The following PALM2AKAP2 variants were observed in gnomAD, a reference collection of about 807,000 sequenced individuals.
The protein encoded by PALM2AKAP2 is PALM2 and AKAP2 fusion.
In PALM2AKAP2, 37 loss-of-function variants were observed where a neutral mutation model predicts 71.5. The observed-to-expected ratio is 0.52, with a 90% CI of 0.40 to 0.68. PALM2AKAP2 has a LOEUF of 0.68. PALM2AKAP2 is among the 30% of genes least tolerant of loss of function. PALM2AKAP2 has a pLI of 0.00. For synonymous variants in PALM2AKAP2, 468 were observed against 478.8 expected, an observed-to-expected ratio of 0.98 and a Z score of 0.29; for missense variants, 1,224 against 1,191.8, an observed-to-expected ratio of 1.03 and a Z score of -0.40.
chr9:110,074,257 C>A (rs1002609865), intron 1 of PALM2AKAP2, among the ~76,000 whole-genome samples: 1 of 152,130 alleles, frequency 6.6e-6, no homozygotes, highest in Non-Finnish European at 1.5e-5. Context: ...GAAGCTGAAG[C>A]GGGAGGATCC....
intron 1 of PALM2AKAP2, among the ~76,000 whole-genome samples, chr9:109,651,664 A>C (rs1278456962): frequency 1.3e-5 from 2 of 152,190 alleles, no homozygotes; most frequent in Admixed American, 1.3e-4. Flanking sequence ...GTTCCAATAT[A>C]GGGAAGAGAT....
intron 1 of PALM2AKAP2, among the ~76,000 whole-genome samples, chr9:110,113,849 A>T (rs1835304277): frequency 6.6e-6 from 1 of 152,156 alleles, no homozygotes; most frequent in South Asian, 2.1e-4. Context: ...ACAAGTTTTA[A>T]AAAGCATGAA....
chr9:110,048,337 C>T (rs2132489528), upstream of PALM2AKAP2, among the ~76,000 whole-genome samples: 1 of 152,272 alleles, frequency 6.6e-6, no homozygotes, highest in Non-Finnish European at 1.5e-5. Context: ...CACACGTCCA[C>T]ATGCACACAC....
chr9:109,860,822 T>C (rs983487202), intron 1 of PALM2AKAP2, among the ~76,000 whole-genome samples: 9 of 152,188 alleles, frequency 5.9e-5, no homozygotes, highest in Non-Finnish European at 1.2e-4. Flanking sequence ...TACCTCTTTC[T>C]CTGATTCTTC....
intron 6 of PALM2AKAP2, among the ~76,000 whole-genome samples, chr9:109,933,993 T>G (rs1283682190): frequency 1.3e-5 from 2 of 152,200 alleles, no homozygotes; most frequent in African/African-American, 4.8e-5. Flanking sequence ...TTTTGGAAAT[T>G]TATATAACCT....
At chr9:109,906,219 G>A (rs990161644) in intron 3 of PALM2AKAP2, among the ~76,000 whole-genome samples, 1 of 152,082 alleles carries the variant, frequency 6.6e-6, no homozygotes, top group Non-Finnish European at 1.5e-5. Context: ...GGGTAGGGGG[G>A]ATGGAATCTT....
At position 109,660,913 on chromosome 9, in the gene PALM2AKAP2, A is replaced by G. The variant is rs183381752; in HGVS notation, c.5+20047A>G. On this transcript the variant is annotated intron_variant, in intron 1 of 6. Transcript: ENST00000374531. Reference sequence around the variant, plus strand: ...GGTTTTGATTTGCATTTCTCTGATGACCAGTGATGATGAGCATTTTTTCAT... The same window carrying G: ...GGTTTTGATTTGCATTTCTCTGATGGCCAGTGATGATGAGCATTTTTTCAT... Among the ~76,000 whole-genome samples, 713 of 152,234 alleles carry G rather than the reference A, an allele frequency of 4.7e-3. 9 individuals are homozygous for G. Among genetic ancestry groups the G allele is most frequent in the African/African-American group, 0.016 (679 of 41,536 alleles).
At chr9:109,661,349 A>G (rs768866588) in intron 1 of PALM2AKAP2, among the ~76,000 whole-genome samples, 22 of 152,268 alleles carry the variant, frequency 1.4e-4, no homozygotes, top group South Asian at 4.2e-4. Flanking sequence ...TGTAAGGTGT[A>G]AGGAAGGGAT....
chr9:110,137,735 A>G (rs760931962), exon 2 of PALM2AKAP2: 4 of 1,614,234 alleles, frequency 2.5e-6, no homozygotes, highest in Non-Finnish European at 2.5e-6. Flanking sequence ...CATGGACAAC[A>G]TCAGTGACAG....
chr9:109,686,851 C>T (rs544306065), intron 1 of PALM2AKAP2, among the ~76,000 whole-genome samples: 8 of 148,996 alleles, frequency 5.4e-5, no homozygotes, highest in East Asian at 4.0e-4. Flanking sequence ...CAACAGGCCC[C>T]GGTGTGTGAT....
At chr9:110,150,638 A>G (rs1836287707) in intron 2 of PALM2AKAP2, among the ~76,000 whole-genome samples, 2 of 152,152 alleles carry the variant, frequency 1.3e-5, no homozygotes, top group African/African-American at 2.4e-5. Flanking sequence ...GGTTTTGGGG[A>G]TTAGGACTTG....
chr9:109,913,041 C>CT (rs1007040021), intron 3 of PALM2AKAP2, among the ~76,000 whole-genome samples: 11 of 152,140 alleles, frequency 7.2e-5, no homozygotes, highest in Admixed American at 2.6e-4. Context: ...CCTAGAGAGA[C>CT]TTTTTTCCCA....
chr9:110,137,133 C>T lies in PALM2AKAP2; in HGVS notation c.1163C>T (p.Pro388Leu), dbSNP rs1835899972. ...CCCCCATCGCAGCTCTGCACAGCCC[C>T]TGCCTCTTCTCATGAACGCGCAAGC... The change falls in exon 2 of 4, where the codon CCT becomes CTT. Residue 388 changes from proline to leucine, a missense_variant. Physicochemically the swap from Pro to Leu is moderately conservative, Grantham distance 98. Coordinates refer to ENST00000374525, the Ensembl canonical transcript of PALM2AKAP2. 1.2e-6 allele frequency: 2 copies of T among 1,613,438 alleles called. No homozygotes were observed. Among genetic ancestry groups the T allele is most frequent in the Admixed American group, 1.7e-5 (1 of 59,974 alleles).
At chr9:110,066,229 G>C (rs187788500) in intron 1 of PALM2AKAP2, among the ~76,000 whole-genome samples, 28 of 152,326 alleles carry the variant, frequency 1.8e-4, no homozygotes, top group African/African-American at 6.7e-4. Flanking sequence ...GGCTTAGAGA[G>C]AGTATGGACT....
Position 109,874,095 on chromosome 9 carries a change from A to G in PALM2AKAP2, c.127-6456A>G, listed in dbSNP as rs574452906. On this transcript the variant is annotated intron_variant, in intron 2 of 9. Transcript: ENST00000302798. ...ATCTTTTTTTAGCTTTAGTGATCCAAGATTTTATATTTGCTAAAGTACAGT... is the reference window on the plus strand; with the variant it reads ...ATCTTTTTTTAGCTTTAGTGATCCAGGATTTTATATTTGCTAAAGTACAGT... 3.9e-5 allele frequency among the ~76,000 whole-genome samples: 6 copies of G among 152,336 alleles called. No individual in the cohort carries two copies. The East Asian group carries it at 1.2e-3, about 29-fold the overall frequency.
At chr9:109,813,077 C>T (rs539728367) in intron 1 of PALM2AKAP2, among the ~76,000 whole-genome samples, 53 of 152,314 alleles carry the variant, frequency 3.5e-4, no homozygotes, top group Non-Finnish European at 5.9e-4. Flanking sequence ...TGCAGGTCTG[C>T]ACAATTTAAC....
intron 1 of PALM2AKAP2, among the ~76,000 whole-genome samples, chr9:109,794,173 G>C (rs962287151): frequency 3.3e-5 from 5 of 152,114 alleles, no homozygotes; most frequent in Non-Finnish European, 5.9e-5. Flanking sequence ...TTTGTTTACC[G>C]AAGCTGGCAT....
At chr9:109,852,700 T>C (rs184322641) in intron 1 of PALM2AKAP2, among the ~76,000 whole-genome samples, 1 of 152,200 alleles carries the variant, frequency 6.6e-6, no homozygotes, top group Non-Finnish European at 1.5e-5. Flanking sequence ...CATCTGTTGT[T>C]TTTTGACGTT....
At chr9:110,050,028 T>A (rs2132499044) in intron 1 of PALM2AKAP2, among the ~76,000 whole-genome samples, 1 of 152,364 alleles carries the variant, frequency 6.6e-6, no homozygotes, top group Non-Finnish European at 1.5e-5. Context: ...AGCATGGGTT[T>A]GGCTCTGATA....
Sources: allele counts gnomAD v4.1 joint callset (sites outside exome capture counted in the v4.1 genomes callset), GRCh38; gene constraint gnomAD v4.1.1; transcripts MANE v1.5; gene names NCBI Gene and HGNC (gene_info 2026-07-23, HGNC 2026-07-21).